Variants in MVB12A observed in about 807,000 individuals in gnomAD.
MVB12A encodes the protein multivesicular body subunit 12A.
Under a neutral mutation model 34.3 loss-of-function variants are expected in MVB12A, and 30 were observed. The observed-to-expected ratio is 0.88, with a 90% confidence interval of 0.65 to 1.19. The LOEUF (loss-of-function observed/expected upper bound fraction) is 1.19, where lower values mean the gene tolerates loss of function less well. Ranked by LOEUF, MVB12A falls within the 50% of genes most tolerant of loss-of-function variation. MVB12A has a pLI of 0.00. For missense variants in MVB12A, 355 were observed against 369.2 expected (o/e 0.96, Z 0.31); for synonymous variants, 158 against 158.9 (o/e 0.99, Z 0.04).
upstream of MVB12A, among the ~76,000 whole-genome samples, chr19:17,416,509 G>A (rs1325962083): frequency 6.7e-6 from 1 of 150,126 alleles, no homozygotes; most frequent in African/African-American, 2.5e-5. Context: ...TCCACTTCTG[G>A]GGCTCAAGCA....
At chr19:17,416,859 C>G (rs540629021), upstream of MVB12A, among the ~76,000 whole-genome samples, 4 of 150,410 alleles carry the variant, frequency 2.7e-5, no homozygotes, top group East Asian at 5.9e-4. Flanking sequence ...ACCACCACCC[C>G]CTGCTAATGT....
chr19:17,406,246 A>T (rs1477553878), exon 2 of MVB12A: 1 of 152,176 alleles, frequency 6.6e-6, no homozygotes, highest in Non-Finnish European at 1.5e-5. Flanking sequence ...CACCTGCAGG[A>T]AACAAGCTCC....
chr19:17,418,924 T>C, upstream of MVB12A: 1 of 142,746 alleles, frequency 7.0e-6, no homozygotes, highest in Admixed American at 7.0e-5. Context: ...TGCTTAAAGA[T>C]TGCAGACAGC....
upstream of MVB12A, chr19:17,417,234 T>TTTTTTTTC (rs2074806492): frequency 5.7e-6 from 1 of 174,344 alleles, no homozygotes; most frequent in African/African-American, 3.0e-5. Flanking sequence ...TTTTTTTTTT[T>TTTTTTTTC]TTTTGCCACA....
At position 17,420,386 on chromosome 19, in the gene MVB12A, G is replaced by A; in HGVS notation, c.164G>A (p.Cys55Tyr). The change falls in exon 2 of 9, where the codon TGC becomes TAC. Residue 55 changes from cysteine to tyrosine, a missense_variant. Coordinates refer to ENST00000317040, the MANE Select transcript of MVB12A (RefSeq NM_138401.4). ...SFAQKSGYFL[C>Y]LSSLGSLENP... ...GCGCAGAAATCTGGCTACTTCCTGT[G>A]CCTTAGTTCTCTGGGCAGCCTAGAG... 6.2e-7 allele frequency: 1 copy of A among 1,613,976 alleles called. No individual in the cohort carries two copies. The highest frequency in any genetic ancestry group is 1.1e-5 in the South Asian group (1 of 91,082).
At chr19:17,415,408 T>C (rs1011776734), upstream of MVB12A, 1 of 152,240 alleles carries the variant, frequency 6.6e-6, no homozygotes, top group Non-Finnish European at 1.5e-5. Context: ...CCCAGGATTT[T>C]GCTCAAAAGC....
chr19:17,423,191 TAAAAAAA>T (rs895549170), intron 4 of MVB12A, among the ~76,000 whole-genome samples: 33 of 106,654 alleles, frequency 3.1e-4, no homozygotes, highest in South Asian at 3.0e-3. Context: ...CGTTTCTACT[TAAAAAAA>T]AAAAAAAAAA....
chr19:17,415,597 T>A (rs981501459), upstream of MVB12A: 1 of 152,276 alleles, frequency 6.6e-6, no homozygotes, highest in Non-Finnish European at 1.5e-5. Context: ...TTCTGTAGAA[T>A]TATTGCATTT....
At chr19:17,424,705 G>A (rs771958252) in intron 8 of MVB12A, 28 bp downstream of exon 8, 3 of 1,590,086 alleles carry the variant, frequency 1.9e-6, no homozygotes, top group East Asian at 2.3e-5. Context: ...GAGGAGGTGG[G>A]TGCAGGGCTA....
chr19:17,424,880 G>C, intron 8 of MVB12A, 51 bp from the exon 9 acceptor site: 3 of 1,414,242 alleles, frequency 2.1e-6, no homozygotes, highest in Non-Finnish European at 2.9e-6. Flanking sequence ...TCCCCCTTTG[G>C]CCCTCTCTTT....
intron 2 of MVB12A, among the ~76,000 whole-genome samples, chr19:17,412,808 T>C (rs1028704998): frequency 1.3e-5 from 2 of 152,174 alleles, no homozygotes; most frequent in Non-Finnish European, 2.9e-5. Context: ...AAGATTAATT[T>C]TGCAGCTGTC....
At chr19:17,420,015 G>GCTGGGGCCCC, upstream of MVB12A, 2 of 221,208 alleles carry the variant, frequency 9.0e-6, no homozygotes, top group Non-Finnish European at 7.2e-6. Flanking sequence ...GGCAATCTCC[G>GCTGGGGCCCC]CCCCCCCCCC....
chr19:17,420,143 C>T lies in MVB12A; in HGVS notation c.8C>T (p.Pro3Leu). The change falls in exon 1 of 9, where the codon CCC (proline) becomes CTC (leucine). Residue 3 changes from proline (P) to leucine (L), a missense_variant. Coordinates refer to ENST00000317040, the MANE Select transcript of MVB12A (RefSeq NM_138401.4). ...CGGCGCTCGGCTCGCAGGATGGATC[C>T]CGTACCCGGGACAGACTCGGCGCCG... MD[P>L]VPGTDSAPLA... 7.3e-7 allele frequency: 1 copy of T among 1,364,642 alleles called. No homozygotes were observed. The highest frequency in any genetic ancestry group is 9.4e-7 in the Non-Finnish European group (1 of 1,063,990). 84.5% of individuals were successfully genotyped at this position (1,364,642 alleles called of 1,614,324 possible).
chr19:17,421,426 C>T (rs150123949), intron 3 of MVB12A, among the ~76,000 whole-genome samples: 73 of 152,026 alleles, frequency 4.8e-4, no homozygotes, highest in African/African-American at 1.8e-3. Flanking sequence ...TCAGGTGATC[C>T]ACCTGCCTGG....
At position 17,420,119 on chromosome 19, in the gene MVB12A, G is replaced by A; in HGVS notation, c.-17G>A. 1 of 1,320,032 alleles carries A rather than the reference G, an allele frequency of 7.6e-7. No homozygotes were observed. The highest frequency in any genetic ancestry group is 9.6e-7 in the Non-Finnish European group (1 of 1,040,286). 81.8% of individuals were successfully genotyped at this position (1,320,032 alleles called of 1,614,324 possible). On this transcript the variant is annotated 5_prime_UTR_variant, in exon 1 of 9. Transcript: ENST00000317040. ...GGCTGTGCCCCGCGACCCCGCCTTCGGCGCTCGGCTCGCAGGATGGATCCC... is the reference window on the plus strand; with the variant it reads ...GGCTGTGCCCCGCGACCCCGCCTTCAGCGCTCGGCTCGCAGGATGGATCCC...
intron 6 of MVB12A, 29 bp downstream of exon 6, chr19:17,423,828 T>C: frequency 6.2e-7 from 1 of 1,605,144 alleles, no homozygotes; most frequent in Non-Finnish European, 8.5e-7. Flanking sequence ...AACTGAGGCG[T>C]GGAAGTGGAG....
intron 2 of MVB12A, among the ~76,000 whole-genome samples, chr19:17,410,213 C>T (rs958849643): frequency 5.3e-5 from 8 of 151,610 alleles, no homozygotes; most frequent in African/African-American, 1.7e-4. Context: ...TCCTGTTGCC[C>T]AGGCTGGAGC....
rs754315810 is a variant in MVB12A, at chr19:17,420,159, C to T, written c.24C>T (p.Asp8=). 29 of 1,390,568 alleles carry T rather than the reference C, an allele frequency of 2.1e-5. No individual in the cohort carries two copies. Among genetic ancestry groups the T allele is most frequent in the Admixed American group, 1.4e-4 (4 of 27,788 alleles). The allele number at this position is 1,390,568 out of a possible 1,614,324, so 86.1% of individuals were successfully genotyped here. ...GGATGGATCCCGTACCCGGGACAGACTCGGCGCCGCTGGCTGGCCTGGCCT... is the reference window on the plus strand; with the variant it reads ...GGATGGATCCCGTACCCGGGACAGATTCGGCGCCGCTGGCTGGCCTGGCCT... MDPVPGT[D]SAPLAGLAWS... is the part of the protein sequence containing the mutation. The change falls in exon 1 of 9, where the codon GAC becomes GAT. Residue 8 remains aspartate (D), a synonymous_variant. Coordinates refer to ENST00000317040, the MANE Select transcript of MVB12A (RefSeq NM_138401.4).
rs576004176 is a variant in MVB12A, at chr19:17,420,627, G to A, written c.279G>A (p.Met93Ile). Reference protein sequence around the residue: ...PLGFSPVCDPMDSKASVSKKK... With the variant: ...PLGFSPVCDPIDSKASVSKKK... ...GCTTCTCCCCCGTCTGCGACCCCAT[G>A]GATTCCAGTAAGGGCTGCTTCGGAG... is the stretch of plus-strand genomic sequence containing the variant. The change falls in exon 3 of 9, where the codon ATG (methionine) becomes ATA (isoleucine). Residue 93 changes from methionine to isoleucine, a missense_variant. By Grantham distance (10) the Met-to-Ile change is conservative. Transcript: ENST00000317040. The A allele has an allele frequency of 1.1e-5, 18 of 1,610,870 alleles. No homozygotes were observed. The East Asian group carries it at 3.3e-4, about 30-fold the overall frequency.
Sources: allele counts gnomAD v4.1 joint callset (sites outside exome capture counted in the v4.1 genomes callset), GRCh38; gene constraint gnomAD v4.1.1; transcripts MANE v1.5; gene names NCBI Gene and HGNC (gene_info 2026-07-23, HGNC 2026-07-21).